MINDY3: variants seen among roughly 807,000 people sequenced by gnomAD.
The protein encoded by MINDY3 is ubiquitin carboxyl-terminal hydrolase MINDY-3.
Under a neutral mutation model 69.2 loss-of-function variants are expected in MINDY3, and 38 were observed. The observed-to-expected ratio is 0.55, with a 90% CI of 0.42 to 0.72. MINDY3 has a LOEUF of 0.72. Ranked by LOEUF, MINDY3 falls within the 30% of genes least tolerant of loss-of-function variation. MINDY3 has a pLI of 0.00. For missense variants in MINDY3, 522 were observed against 519.0 expected (o/e 1.01, Z -0.06); for synonymous variants, 192 against 180.1 (o/e 1.07, Z -0.53).
At chr10:15,857,717 C>T (rs7913650) in intron 1 of MINDY3, among the ~76,000 whole-genome samples, 5,344 of 152,076 alleles carry the variant, frequency 0.035, 277 homozygotes, top group African/African-American at 0.12. Context: ...TTTTTTAAAA[C>T]GAACAGGGAT....
intron 12 of MINDY3, among the ~76,000 whole-genome samples, chr10:15,788,397 A>G (rs1837141068): frequency 6.6e-6 from 1 of 152,172 alleles, no homozygotes; most frequent in East Asian, 1.9e-4. Flanking sequence ...CATACTTTCA[A>G]AGAAAGTATG....
intron 8 of MINDY3, among the ~76,000 whole-genome samples, chr10:15,829,536 GGGTT>G (rs1440148610): frequency 6.6e-6 from 1 of 152,178 alleles, no homozygotes; most frequent in African/African-American, 2.4e-5. Context: ...TATAAACATA[GGGTT>G]GAGTACGAAC....
At chr10:15,786,308 G>C (rs1270878743) in intron 13 of MINDY3, among the ~76,000 whole-genome samples, 3 of 152,046 alleles carry the variant, frequency 2.0e-5, no homozygotes, top group Admixed American at 6.6e-5. Flanking sequence ...TCAAACTTCC[G>C]AACTGTTCTC....
intron 2 of MINDY3, among the ~76,000 whole-genome samples, chr10:15,843,644 A>C (rs1320752522): frequency 1.3e-5 from 2 of 152,144 alleles, no homozygotes; most frequent in African/African-American, 4.8e-5. Flanking sequence ...TCCTTCAGGT[A>C]AAAGAAATCT....
At position 15,837,534 on chromosome 10, in the gene MINDY3, A is replaced by T. The variant is rs747403863; in HGVS notation, c.462-216T>A. ...ATATGATATTTATCATTAAGAAAGA[A>T]CACCTACTTGGCAGGGAACCTCTTC... On this transcript the variant is annotated intron_variant, in intron 5 of 14. Transcript: ENST00000277632. The T allele has an allele frequency of 3.5e-6, 5 of 1,438,458 alleles. No individual in the cohort carries two copies. In the South Asian group the frequency reaches 6.1e-5, roughly 18 times the overall value. The allele number at this position is 1,438,458 out of a possible 1,614,324, so 89.1% of individuals were successfully genotyped here.
chr10:15,825,991 C>G (rs1303428339), intron 8 of MINDY3, among the ~76,000 whole-genome samples: 3 of 151,764 alleles, frequency 2.0e-5, no homozygotes, highest in Admixed American at 6.6e-5. Flanking sequence ...AATAAATAAA[C>G]AATATGGACA....
chr10:15,815,631 G>A (rs1839302421), intron 10 of MINDY3, among the ~76,000 whole-genome samples: 3 of 152,148 alleles, frequency 2.0e-5, no homozygotes, highest in Admixed American at 6.5e-5. Context: ...TATGATCCCA[G>A]AGATGTTTAA....
intron 9 of MINDY3, among the ~76,000 whole-genome samples, chr10:15,819,953 G>C (rs1839643231): frequency 6.6e-6 from 1 of 152,072 alleles, no homozygotes; most frequent in Admixed American, 6.6e-5. Context: ...AACAATTCTG[G>C]TGAATACGTC....
chr10:15,819,996 C>G (rs1182435590), intron 9 of MINDY3, among the ~76,000 whole-genome samples: 2 of 152,154 alleles, frequency 1.3e-5, no homozygotes, highest in African/African-American at 2.4e-5. Flanking sequence ...TTCTGAGCAC[C>G]TGGCACTTAA....
At chr10:15,813,597 C>T (rs1839157973) in intron 10 of MINDY3, among the ~76,000 whole-genome samples, 1 of 152,128 alleles carries the variant, frequency 6.6e-6, no homozygotes, top group African/African-American at 2.4e-5. Flanking sequence ...TCTATTTTTG[C>T]TCACCACTGT....
Position 15,796,108 on chromosome 10 carries a change from T to C in MINDY3, c.947A>G (p.Asp316Gly). ...ATGTTAAAATCTTTTACCTTCTGGG[T>C]CGTAGGTTTGAAAAACTCTTCTGGC... ...EQARRVFQTYDPEDNGFIPDS... is the reference protein window; with the variant it reads ...EQARRVFQTYGPEDNGFIPDS... Residue 316 changes from aspartate to glycine, a missense_variant, in exon 11 of 15, where the codon GAC (aspartate) becomes GGC (glycine). Physicochemically the swap from Asp to Gly is moderately conservative, Grantham distance 94. Coordinates refer to ENST00000277632, the MANE Select transcript of MINDY3 (RefSeq NM_024948.4). 6.2e-7 allele frequency: 1 copy of C among 1,612,070 alleles called. No individual in the cohort carries two copies. The highest frequency in any genetic ancestry group is 8.5e-7 in the Non-Finnish European group (1 of 1,178,514).
rs1038092409 is a variant in MINDY3 at position 15,860,395 on chromosome 10, C to A, written c.-96G>T. On this transcript the variant is annotated 5_prime_UTR_variant, in exon 1 of 15. Coordinates refer to ENST00000277632, the MANE Select transcript of MINDY3 (RefSeq NM_024948.4). ...GGAAACAGCAGCTGCGGGACGGCGG[C>A]GGCAAACGAATTGGAAGGTGAGGCA... The A allele has an allele frequency of 8.9e-6, 8 of 894,488 alleles. No individual in the cohort carries two copies. The African/African-American group carries it at 1.3e-4, about 15-fold the overall frequency. The allele number at this position is 894,488 out of a possible 1,614,324, so 55.4% of individuals were successfully genotyped here. A position where few individuals can be genotyped will look rare whatever the true frequency, so the allele number is the denominator to read the frequency against.
At chr10:15,779,692 A>G (rs1192189571) in intron 14 of MINDY3, among the ~76,000 whole-genome samples, 1 of 152,194 alleles carries the variant, frequency 6.6e-6, no homozygotes. Flanking sequence ...CCTGAAATGC[A>G]ATTCATGAGT....
chr10:15,790,882 T>C (rs988105221), intron 11 of MINDY3, among the ~76,000 whole-genome samples: 8 of 152,126 alleles, frequency 5.3e-5, no homozygotes, highest in African/African-American at 1.9e-4. Context: ...ACTGACAGCA[T>C]GTACTTTGTC....
chr10:15,809,568 G>A (rs1838860280), intron 10 of MINDY3, among the ~76,000 whole-genome samples: 1 of 152,034 alleles, frequency 6.6e-6, no homozygotes, highest in South Asian at 2.1e-4. Flanking sequence ...GTTCTCCATC[G>A]TACTTAATAG....
intron 1 of MINDY3, among the ~76,000 whole-genome samples, chr10:15,857,418 T>C (rs960919093): frequency 2.0e-5 from 3 of 152,198 alleles, no homozygotes; most frequent in African/African-American, 7.2e-5. Flanking sequence ...TTATATTTAC[T>C]GTTTGTCTTC....
At chr10:15,804,638 A>C (rs1283715173) in intron 10 of MINDY3, among the ~76,000 whole-genome samples, 6 of 152,152 alleles carry the variant, frequency 3.9e-5, no homozygotes, top group Non-Finnish European at 8.8e-5. Context: ...CCCTCCAATA[A>C]ATAAATAAAA....
intron 13 of MINDY3, among the ~76,000 whole-genome samples, chr10:15,786,096 T>TCAAACC (rs1271499763): frequency 3.3e-5 from 5 of 152,202 alleles, no homozygotes; most frequent in South Asian, 4.1e-4. Context: ...TGAGCTCCTA[T>TCAAACC]CAAAGCCCAG....
chr10:15,840,229 C>G (rs1833371343), intron 4 of MINDY3, among the ~76,000 whole-genome samples: 1 of 151,630 alleles, frequency 6.6e-6, no homozygotes. Context: ...TATGTTAAAA[C>G]CAATCTTAGT....
Sources: allele counts gnomAD v4.1 joint callset (sites outside exome capture counted in the v4.1 genomes callset), GRCh38; gene constraint gnomAD v4.1.1; transcripts MANE v1.5; gene names NCBI Gene and HGNC (gene_info 2026-07-23, HGNC 2026-07-21).